CLYBL: variants seen among roughly 807,000 people sequenced by gnomAD.
CLYBL encodes the protein citramalyl-CoA lyase.
A neutral mutation model predicts 38.9 loss-of-function variants in CLYBL; 31 were observed. The observed-to-expected ratio is 0.80, with a 90% CI of 0.60 to 1.08. The LOEUF is 1.08. Among genes scored for constraint, CLYBL ranks in the 50% least tolerant of loss-of-function variants. The pLI is 0.00. For missense variants in CLYBL, 434 were observed against 411.6 expected, an observed-to-expected ratio of 1.05 and a Z score of -0.47; for synonymous variants, 171 against 158.6, an observed-to-expected ratio of 1.08 and a Z score of -0.59.
intron 2 of CLYBL, among the ~76,000 whole-genome samples, chr13:99,781,903 A>T (rs1193058245): frequency 1.3e-5 from 2 of 152,244 alleles, no homozygotes; most frequent in East Asian, 3.8e-4. Context: ...AAATTAATCC[A>T]TATCTTTCTT....
intron 2 of CLYBL, 130 bp from the exon 3 acceptor site, chr13:99,858,731 G>T: frequency 1.6e-6 from 1 of 633,138 alleles, no homozygotes; most frequent in Non-Finnish European, 2.6e-6. Context: ...TATTTATTTG[G>T]TGGACAGGAA....
rs1003133156 is a variant in CLYBL, at chr13:99,849,783, T to C, written c.250-9078T>C. Among the ~76,000 whole-genome samples the C allele has an allele frequency of 3.3e-5, 5 of 152,082 alleles. No homozygotes were observed. The highest frequency in any genetic ancestry group is 7.4e-5 in the Non-Finnish European group (5 of 68,002). On this transcript the variant is annotated intron_variant, in intron 2 of 8. Coordinates refer to ENST00000339105, the MANE Select transcript of CLYBL (RefSeq NM_206808.5). This position sits in a 1 kb window ranked among gnomAD's most constrained non-coding sequence, Gnocchi z 4.9. The stretch of plus-strand genomic sequence containing the variant: ...GAGGAAGAGAGGGGAAGGTGACGGA[T>C]AGGGCTATGGCAGCAGAGAGCCAGC...
chr13:99,831,160 G>A (rs1041799674), intron 2 of CLYBL, among the ~76,000 whole-genome samples: 13 of 152,184 alleles, frequency 8.5e-5, no homozygotes, highest in African/African-American at 1.9e-4. Context: ...AGGAGGATCC[G>A]CTAGAGAGGG....
chr13:99,684,138 C>T (rs2047782864), intron 1 of CLYBL, among the ~76,000 whole-genome samples: 1 of 149,840 alleles, frequency 6.7e-6, no homozygotes, highest in Non-Finnish European at 1.5e-5. Flanking sequence ...CCTCGGCCTC[C>T]CAAAGTGCTA....
downstream of CLYBL, among the ~76,000 whole-genome samples, chr13:99,900,823 C>T (rs2052633769): frequency 6.6e-6 from 1 of 152,198 alleles, no homozygotes; most frequent in South Asian, 2.1e-4. Flanking sequence ...TCAGCAACTG[C>T]CTCCCTCAGA....
chr13:99,725,660 T>C (rs544055448), intron 1 of CLYBL, among the ~76,000 whole-genome samples: 1 of 152,218 alleles, frequency 6.6e-6, no homozygotes, highest in Admixed American at 6.5e-5. Context: ...TTGTATTTTA[T>C]AAGCTCATTT....
intron 1 of CLYBL, among the ~76,000 whole-genome samples, chr13:99,760,290 G>A (rs1347106264): frequency 6.6e-6 from 1 of 152,036 alleles, no homozygotes; most frequent in Non-Finnish European, 1.5e-5. Context: ...GATTTTCTCT[G>A]TTGCTTTTCT....
intron 7 of CLYBL, among the ~76,000 whole-genome samples, chr13:99,884,787 C>G (rs2052304882): frequency 6.6e-6 from 1 of 152,176 alleles, no homozygotes; most frequent in Non-Finnish European, 1.5e-5. Flanking sequence ...GGGTGGGAGG[C>G]AGAGCCCCAT....
chr13:99,729,021 G>C (rs1028369945), intron 1 of CLYBL, among the ~76,000 whole-genome samples: 1 of 152,244 alleles, frequency 6.6e-6, no homozygotes, highest in Non-Finnish European at 1.5e-5. Context: ...AAGTTCTGCA[G>C]GGCCTTGCTA....
intron 1 of CLYBL, among the ~76,000 whole-genome samples, chr13:99,716,937 A>G (rs928571167): frequency 6.6e-6 from 1 of 150,392 alleles, no homozygotes; most frequent in East Asian, 2.1e-4. Context: ...GATTACAGGC[A>G]TGTGCCACCA....
chr13:99,664,518 T>C (rs1335604004), intron 1 of CLYBL, among the ~76,000 whole-genome samples: 1 of 152,240 alleles, frequency 6.6e-6, no homozygotes, highest in Admixed American at 6.5e-5. Flanking sequence ...TTACTAAAGA[T>C]ACCTTTGCGT....
intron 7 of CLYBL, chr13:99,884,929 A>G (rs2052308742): frequency 4.3e-6 from 2 of 470,298 alleles, no homozygotes; most frequent in Non-Finnish European, 8.8e-6. Context: ...ATTAAAGAAA[A>G]AGAGTGACCC....
At chr13:99,889,078 G>A (rs2152130461) in intron 7 of CLYBL, among the ~76,000 whole-genome samples, 1 of 152,242 alleles carries the variant, frequency 6.6e-6, no homozygotes, top group East Asian at 1.9e-4. Context: ...GACCATAGAA[G>A]AAATAATCTC....
intron 1 of CLYBL, among the ~76,000 whole-genome samples, chr13:99,765,209 G>GT (rs35340874): frequency 1.3e-5 from 2 of 152,094 alleles, no homozygotes; most frequent in East Asian, 1.9e-4. Context: ...TTGGATGGCA[G>GT]TTTTTTCAGC....
intron 2 of CLYBL, among the ~76,000 whole-genome samples, chr13:99,837,550 C>T (rs1566347862): frequency 2.0e-5 from 3 of 152,168 alleles, no homozygotes; most frequent in South Asian, 2.1e-4. Context: ...ACAATATTTG[C>T]CAGTAGTGTT....
chr13:99,787,728 T>G (rs1200201038), intron 2 of CLYBL, among the ~76,000 whole-genome samples: 8 of 152,352 alleles, frequency 5.3e-5, no homozygotes, highest in African/African-American at 1.9e-4. Context: ...TTTTTCCAAT[T>G]CTGTGAAGAA....
At chr13:99,658,956 C>G (rs532109599) in intron 1 of CLYBL, among the ~76,000 whole-genome samples, 1 of 152,280 alleles carries the variant, frequency 6.6e-6, no homozygotes, top group East Asian at 1.9e-4. Context: ...GGTAAAGAAT[C>G]CTACTACCGT....
intron 1 of CLYBL, among the ~76,000 whole-genome samples, chr13:99,769,110 T>C (rs1046328392): frequency 3.3e-5 from 5 of 152,118 alleles, no homozygotes; most frequent in Non-Finnish European, 2.9e-5. Context: ...TCCTTGATAT[T>C]TGGAGGGTCA....
At chr13:99,719,733 C>G (rs1321833042) in intron 1 of CLYBL, among the ~76,000 whole-genome samples, 5 of 151,992 alleles carry the variant, frequency 3.3e-5, no homozygotes, top group Admixed American at 6.6e-5. Flanking sequence ...GTCTCAAACT[C>G]CTGACCTCAG....
Sources: allele counts gnomAD v4.1 joint callset (sites outside exome capture counted in the v4.1 genomes callset), GRCh38; gene constraint gnomAD v4.1.1; non-coding constraint Gnocchi (gnomAD v3.1); transcripts MANE v1.5; gene names NCBI Gene and HGNC (gene_info 2026-07-23, HGNC 2026-07-21).